ZNF805: variants seen among roughly 807,000 people sequenced by gnomAD.
ZNF805 encodes the protein CTC-444N24.8.
Under a neutral mutation model 13.6 loss-of-function variants are expected in ZNF805, and 7 were observed. The ratio of observed to expected loss-of-function variants is 0.51; its 90% CI spans 0.29 to 0.97. The LOEUF (loss-of-function observed/expected upper bound fraction) is 0.97, where lower values mean the gene tolerates loss of function less well. ZNF805 is among the 50% of genes least tolerant of loss of function. The probability of loss-of-function intolerance (pLI) is 0.08; values close to 1 mark genes in which losing one functional copy is unlikely to be tolerated. For missense variants in ZNF805, 604 were observed against 771.0 expected (o/e 0.78, Z 2.57); for synonymous variants, 293 against 279.8 (o/e 1.05, Z -0.47).
rs1599982453 is a variant in ZNF805 at position 57,240,676 on chromosome 19, C to T, written c.-216C>T. On this transcript the variant is annotated 5_prime_UTR_variant, in exon 1 of 4. Coordinates refer to ENST00000414468, the MANE Select transcript of ZNF805 (RefSeq NM_001023563.4). ...CTAGGGAGGGGGCGGTGTTCCGTGG[C>T]CGCCTCCCTGGCGGCGCTGGGGAAA... is the stretch of plus-strand genomic sequence containing the variant. 7.7e-6 allele frequency: 4 copies of T among 519,352 alleles called. No individual in the cohort carries two copies. Among genetic ancestry groups the T allele is most frequent in the East Asian group, 3.3e-5 (1 of 30,388 alleles). The allele number at this position is 519,352 out of a possible 1,614,324, so 32.2% of individuals were successfully genotyped here.
In ZNF805 at chr19:57,261,571, T is replaced by C. The variant is rs1198083463; in HGVS notation, c.*6868T>C. On this transcript the variant is annotated 3_prime_UTR_variant, in exon 4 of 4. Transcript: ENST00000414468. Reference sequence around the variant, plus strand: ...TAAATGGCCATACACAGCAGGGTATTTTTTATTATTATTTTCAGTTCCCTC... The same window carrying C: ...TAAATGGCCATACACAGCAGGGTATCTTTTATTATTATTTTCAGTTCCCTC... The C allele has an allele frequency of 1.2e-5, 2 of 167,066 alleles. No individual in the cohort carries two copies. The highest frequency in any genetic ancestry group is 1.3e-4 in the Admixed American group (2 of 15,276). The allele number at this position is 167,066 out of a possible 1,614,324, so 10.3% of individuals were successfully genotyped here.
chr19:57,248,084 CT>C (rs2087629797), intron 2 of ZNF805, among the ~76,000 whole-genome samples: 1 of 152,134 alleles, frequency 6.6e-6, no homozygotes, highest in South Asian at 2.1e-4. Context: ...TGGCACGCGC[CT>C]TTAGTCCCAG....
rs567488954 is a variant in ZNF805 at position 57,258,558 on chromosome 19, T to C, written c.*3855T>C. Among the ~76,000 whole-genome samples the C allele has an allele frequency of 1.3e-4, 20 of 151,218 alleles. No homozygotes were observed. The highest frequency in any genetic ancestry group is 4.6e-4 in the African/African-American group (19 of 41,162). ...TTAGTGGTTGCTTTAAGTAGTATAA[T>C]GTACATATGTAACATAATTACAGTT... On this transcript the variant is annotated 3_prime_UTR_variant, in exon 4 of 4. Coordinates refer to ENST00000414468, the MANE Select transcript of ZNF805 (RefSeq NM_001023563.4).
At position 57,260,437 on chromosome 19, in the gene ZNF805, CA is replaced by C. The variant is rs1227022724; in HGVS notation, c.*5735del. Among the ~76,000 whole-genome samples, 2 of 152,156 alleles carry C rather than the reference CA, an allele frequency of 1.3e-5. No individual in the cohort carries two copies. The highest frequency in any genetic ancestry group is 2.9e-5 in the Non-Finnish European group (2 of 68,042). On this transcript the variant is annotated 3_prime_UTR_variant, in exon 4 of 4. Coordinates refer to ENST00000414468, the MANE Select transcript of ZNF805 (RefSeq NM_001023563.4). ...CCAGATACTACTAAATGGCTTCCAC[CA>C]CCGTTGCCTGACTTAAGCACGTCTC...
At position 57,253,403 on chromosome 19, in the gene ZNF805, T is replaced by C. The variant is rs192054360; in HGVS notation, c.584T>C (p.Val195Ala). ...TCACATGGATCAGGTAAAAATCCAG[T>C]TATTCAGGAAGAGGAAAATATCTTT... ...CDSHGSGKNP[V>A]IQEEENIFKC... is the part of the protein sequence containing the mutation. Residue 195 changes from valine to alanine, a missense_variant, in exon 4 of 4, where the codon GTT becomes GCT. Physicochemically the swap from Val to Ala is moderately conservative, Grantham distance 64 (BLOSUM62 0). Transcript: ENST00000414468. This position sits in a 1 kb window ranked among gnomAD's most constrained non-coding sequence, Gnocchi z 4.4. 6.4e-7 allele frequency: 1 copy of C among 1,560,994 alleles called. No individual in the cohort carries two copies. The highest frequency in any genetic ancestry group is 2.4e-5 in the East Asian group (1 of 41,680).
rs145652087 is a variant in ZNF805, at chr19:57,247,944, C to T, written c.158-661C>T. ...TTTAATGGCTAGGCATGGTGGCTCA[C>T]GCCTGTAATCCTAGCACTCTGGGAG... On this transcript the variant is annotated intron_variant, in intron 2 of 3. Coordinates refer to ENST00000414468, the MANE Select transcript of ZNF805 (RefSeq NM_001023563.4). Among the ~76,000 whole-genome samples, 1,255 of 152,306 alleles carry T rather than the reference C, an allele frequency of 8.2e-3. 15 individuals carry two copies. The highest frequency in any genetic ancestry group is 0.028 in the African/African-American group (1,172 of 41,572).
In ZNF805 at chr19:57,253,643, C is replaced by T; in HGVS notation, c.824C>T (p.Thr275Ile). Residue 275 changes from threonine (T) to isoleucine (I), a missense_variant, in exon 4 of 4, where the codon ACC becomes ATC. By Grantham distance (89) the Thr-to-Ile change is moderately conservative. This residue lies in a region of ZNF805 where 327 missense variants were observed against 378.2 expected (regional missense o/e 0.86). Transcript: ENST00000414468. The surrounding 1 kb of genome is among the most constrained non-coding windows in gnomAD (Gnocchi z 4.4). The stretch of plus-strand genomic sequence containing the variant: ...GCTTTTAATCGGAAGTCACACCTTA[C>T]CCAGCACCAGCGGATTCACAGTGGA... The part of the protein sequence containing the change: ...GKAFNRKSHL[T>I]QHQRIHSGEK... 6.2e-7 allele frequency: 1 copy of T among 1,612,630 alleles called. No homozygotes were observed. The highest frequency in any genetic ancestry group is 8.5e-7 in the Non-Finnish European group (1 of 1,179,574).
intron 1 of ZNF805, among the ~76,000 whole-genome samples, chr19:57,242,280 C>T (rs1414640066): frequency 6.6e-6 from 1 of 152,196 alleles, no homozygotes; most frequent in Non-Finnish European, 1.5e-5. Context: ...GCAGTCTTTC[C>T]AGCAAGTCAC....
At position 57,260,910 on chromosome 19, in the gene ZNF805, C is replaced by T. The variant is rs545873901; in HGVS notation, c.*6207C>T. Reference sequence around the variant, plus strand: ...TATTACTGTGTATCAGACATTGTTTCGAATGTTTTACATGCGTCAGCTCTT... The same window carrying T: ...TATTACTGTGTATCAGACATTGTTTTGAATGTTTTACATGCGTCAGCTCTT... On this transcript the variant is annotated 3_prime_UTR_variant, in exon 4 of 4. Coordinates refer to ENST00000414468, the MANE Select transcript of ZNF805 (RefSeq NM_001023563.4). 1.4e-4 allele frequency among the ~76,000 whole-genome samples: 22 copies of T among 152,278 alleles called. No individual in the cohort carries two copies. The highest frequency in any genetic ancestry group is 4.8e-4 in the African/African-American group (20 of 41,552).
Position 57,254,748 on chromosome 19 carries a change from T to C in ZNF805, c.*45T>C. The C allele has an allele frequency of 1.3e-6, 2 of 1,544,174 alleles. No homozygotes were observed. Among genetic ancestry groups the C allele is most frequent in the Non-Finnish European group, 1.7e-6 (2 of 1,144,492 alleles). ...ATGTCATTTGTCACCTAAGGAGTCA[T>C]ATTAGAAAATCACGCAGCTTAGAGC... On this transcript the variant is annotated 3_prime_UTR_variant, in exon 4 of 4. Transcript: ENST00000414468.
At position 57,251,413 on chromosome 19, in the gene ZNF805, A is replaced by G. The variant is rs118022218; in HGVS notation, c.254-1660A>G. On this transcript the variant is annotated intron_variant, in intron 3 of 3. Coordinates refer to ENST00000414468, the MANE Select transcript of ZNF805 (RefSeq NM_001023563.4). ...GTCTTTCATGATTCTGAGCCAATCT[A>G]TATTTTCTTCTGTGAGATGTTATTT... is the stretch of plus-strand genomic sequence containing the variant. 1.7e-3 allele frequency among the ~76,000 whole-genome samples: 258 copies of G among 152,210 alleles called. 3 individuals carry two copies. Among genetic ancestry groups the G allele is most frequent in the Non-Finnish European group, 2.3e-3 (155 of 67,992 alleles).
Position 57,254,797 on chromosome 19 carries a change from C to A in ZNF805, c.*94C>A. On this transcript the variant is annotated 3_prime_UTR_variant, in exon 4 of 4. Transcript: ENST00000414468. ...GCCTTATTCTCCATCCGAATTCATC[C>A]TGGAAAAACACCCAGTGGTTATTAC... 1.5e-6 allele frequency: 2 copies of A among 1,314,030 alleles called. No homozygotes were observed. Among genetic ancestry groups the A allele is most frequent in the Non-Finnish European group, 2.1e-6 (2 of 966,062 alleles). The allele number at this position is 1,314,030 out of a possible 1,614,324, so 81.4% of individuals were successfully genotyped here.
Position 57,260,984 on chromosome 19 carries a change from T to C in ZNF805, c.*6281T>C, listed in dbSNP as rs2087720683. 6.6e-6 allele frequency among the ~76,000 whole-genome samples: 1 copy of C among 152,198 alleles called. No homozygotes were observed. Among genetic ancestry groups the C allele is most frequent in the Non-Finnish European group, 1.5e-5 (1 of 68,028 alleles). ...ATGTTATTTCCCCCCTTTAACTGATTAGAAAACTGAGGTACAGAAAGATTA... is the reference window on the plus strand; with the variant it reads ...ATGTTATTTCCCCCCTTTAACTGATCAGAAAACTGAGGTACAGAAAGATTA... On this transcript the variant is annotated 3_prime_UTR_variant, in exon 4 of 4. Coordinates refer to ENST00000414468, the MANE Select transcript of ZNF805 (RefSeq NM_001023563.4).
In ZNF805 at chr19:57,253,102, C is replaced by G; in HGVS notation, c.283C>G (p.Pro95Ala). 1 of 1,488,196 alleles carries G rather than the reference C, an allele frequency of 6.7e-7. No individual in the cohort carries two copies. Among genetic ancestry groups the G allele is most frequent in the Non-Finnish European group, 8.9e-7 (1 of 1,121,584 alleles). The allele number at this position is 1,488,196 out of a possible 1,614,324, so 92.2% of individuals were successfully genotyped here. A position where few individuals can be genotyped will look rare whatever the true frequency, so the allele number is the denominator to read the frequency against. Residue 95 changes from proline to alanine, a missense_variant, in exon 4 of 4, where the codon CCT becomes GCT. This residue lies in a region of ZNF805 where 327 missense variants were observed against 378.2 expected (regional missense o/e 0.86). Coordinates refer to ENST00000414468, the MANE Select transcript of ZNF805 (RefSeq NM_001023563.4). This position sits in a 1 kb window ranked among gnomAD's most constrained non-coding sequence, Gnocchi z 4.4. ...GDKGKPKSTE[P>A]TTCELALSEG... ...CAAAGGAAAACCCAAGAGCACAGAA[C>G]CTACCACCTGTGAGCTAGCCTTGTC...
In ZNF805 at chr19:57,255,770, C is replaced by T. The variant is rs970587729; in HGVS notation, c.*1067C>T. On this transcript the variant is annotated 3_prime_UTR_variant, in exon 4 of 4. Coordinates refer to ENST00000414468, the MANE Select transcript of ZNF805 (RefSeq NM_001023563.4). ...CTTAGGATTTTAAATATAGAAATGT[C>T]ATTTGCAATTTGGGACAGTTTTATT... is the stretch of plus-strand genomic sequence containing the variant. Among the ~76,000 whole-genome samples, 1 of 152,088 alleles carries T rather than the reference C, an allele frequency of 6.6e-6. No individual in the cohort carries two copies. The highest frequency in any genetic ancestry group is 2.4e-5 in the African/African-American group (1 of 41,444).
chr19:57,240,915 G>T lies in ZNF805; in HGVS notation c.24G>T (p.Pro8=). Reference sequence around the variant, plus strand: ...GTATGGCGATGGCTTTGACGGACCCGGCGCAGGTGAGTGGACAAGGTTTCG... The same window carrying T: ...GTATGGCGATGGCTTTGACGGACCCTGCGCAGGTGAGTGGACAAGGTTTCG... MAMALTD[P]AQVSVTFDDV... Residue 8 remains proline, a synonymous_variant, in exon 1 of 4, where the codon CCG becomes CCT. Transcript: ENST00000414468. 1 of 1,559,382 alleles carries T rather than the reference G, an allele frequency of 6.4e-7. No individual in the cohort carries two copies. The highest frequency in any genetic ancestry group is 8.7e-7 in the Non-Finnish European group (1 of 1,151,958).
In ZNF805 at chr19:57,250,917, C is replaced by T. The variant is rs192813889; in HGVS notation, c.254-2156C>T. Among the ~76,000 whole-genome samples, 9 of 152,086 alleles carry T rather than the reference C, an allele frequency of 5.9e-5. No homozygotes were observed. The South Asian group carries it at 8.3e-4, about 14-fold the overall frequency. ...GGACGTTTTTTCTTCACTTATATTC[C>T]GCTTGTTTTGTAACTTCATCCTTTC... On this transcript the variant is annotated intron_variant, in intron 3 of 3. Transcript: ENST00000414468.
rs2087572527 is a variant in ZNF805 at position 57,240,654 on chromosome 19, GGGA to G, written c.-235_-233del. ...GACGGTTCCGTCCACGCCGGCTCTA[GGGA>G]GGGGGCGGTGTTCCGTGGCCGCCTC... On this transcript the variant is annotated 5_prime_UTR_variant, in exon 1 of 4. Coordinates refer to ENST00000414468, the MANE Select transcript of ZNF805 (RefSeq NM_001023563.4). 2.0e-6 allele frequency: 1 copy of G among 506,058 alleles called. No homozygotes were observed. Among genetic ancestry groups the G allele is most frequent in the Non-Finnish European group, 3.5e-6 (1 of 284,300 alleles). The allele number at this position is 506,058 out of a possible 1,614,324, so 31.3% of individuals were successfully genotyped here.
chr19:57,254,712 T>C lies in ZNF805; in HGVS notation c.*9T>C, dbSNP rs1599997800. 4 of 1,595,390 alleles carry C rather than the reference T, an allele frequency of 2.5e-6. No individual in the cohort carries two copies. On this transcript the variant is annotated 3_prime_UTR_variant, in exon 4 of 4. Coordinates refer to ENST00000414468, the MANE Select transcript of ZNF805 (RefSeq NM_001023563.4). ...AAGTGTCTTCACTGTGAGAAAACCT[T>C]CTGTTGCCAAATGTCATTTGTCACC...
Sources: allele counts gnomAD v4.1 joint callset (sites outside exome capture counted in the v4.1 genomes callset), GRCh38; gene constraint gnomAD v4.1.1; regional missense constraint gnomAD v4.1.1; non-coding constraint Gnocchi (gnomAD v3.1); transcripts MANE v1.5; gene names NCBI Gene and HGNC (gene_info 2026-07-23, HGNC 2026-07-21).